Variants in FUT9 observed in about 807,000 individuals in gnomAD.
FUT9 encodes 4-galactosyl-N-acetylglucosaminide 3-alpha-L-fucosyltransferase 9.
Under a neutral mutation model 29.7 loss-of-function variants are expected in FUT9, and 15 were observed. The ratio of observed to expected loss-of-function variants is 0.51; its 90% confidence interval spans 0.34 to 0.78. FUT9 has a LOEUF of 0.78. Ranked by LOEUF, FUT9 falls within the 30% of genes least tolerant of loss-of-function variation. FUT9 has a pLI of 0.01. For missense variants in FUT9, 319 were observed against 425.4 expected, an observed-to-expected ratio of 0.75 and a Z score of 2.20; for synonymous variants, 169 against 153.7, an observed-to-expected ratio of 1.10 and a Z score of -0.74.
intron 2 of FUT9, among the ~76,000 whole-genome samples, chr6:96,178,268 G>A (rs1773241846): frequency 6.6e-6 from 1 of 152,096 alleles, no homozygotes; most frequent in Non-Finnish European, 1.5e-5. Context: ...CCCACTTGAT[G>A]AATTCAATTT....
chr6:96,027,650 C>A (rs1770190370), intron 1 of FUT9, among the ~76,000 whole-genome samples: 1 of 151,522 alleles, frequency 6.6e-6, no homozygotes, highest in African/African-American at 2.4e-5. Flanking sequence ...ACAAAAACAT[C>A]AACAAAAGGA....
intron 1 of FUT9, among the ~76,000 whole-genome samples, chr6:96,058,376 TCATGAAAGAAAA>T (rs756784918): frequency 7.1e-6 from 1 of 141,314 alleles, no homozygotes; most frequent in Non-Finnish European, 1.5e-5. Flanking sequence ...GTTGGGGAAG[TCATGAAAGAAAA>T]CCCCTTTTCA....
At chr6:96,078,408 CTTTTTTTTTTTTTTT>C (rs71012536) in intron 1 of FUT9, among the ~76,000 whole-genome samples, 48 of 44,202 alleles carry the variant, frequency 1.1e-3, no homozygotes, top group Admixed American at 1.9e-3. Context: ...TATTAGTCTT[CTTTTTTTTTTTTTTT>C]TTTTTTTTTT....
intron 1 of FUT9, among the ~76,000 whole-genome samples, chr6:96,047,032 G>T (rs1770575859): frequency 6.6e-6 from 1 of 152,058 alleles, no homozygotes; most frequent in Non-Finnish European, 1.5e-5. Context: ...TGCTTAAATG[G>T]CAAATCCAAG....
At chr6:96,064,056 A>C (rs928368893) in intron 1 of FUT9, among the ~76,000 whole-genome samples, 12 of 152,248 alleles carry the variant, frequency 7.9e-5, no homozygotes, top group African/African-American at 2.9e-4. Context: ...AATTGCTACC[A>C]AAGTTCACAG....
At chr6:96,052,402 A>T (rs1770687312) in intron 1 of FUT9, among the ~76,000 whole-genome samples, 1 of 152,208 alleles carries the variant, frequency 6.6e-6, no homozygotes, top group Non-Finnish European at 1.5e-5. Context: ...CATGATATTT[A>T]TTCTCTGCTG....
At chr6:96,129,285 AAAAAAAAC>A (rs1399358291) in intron 2 of FUT9, among the ~76,000 whole-genome samples, 735 of 7,500 alleles carry the variant, frequency 0.098, 46 homozygotes, top group Middle Eastern at 0.17. Context: ...AAAAAAAAAA[AAAAAAAAC>A]AAACAACCAG....
At chr6:96,024,794 T>G (rs1031223367) in intron 1 of FUT9, among the ~76,000 whole-genome samples, 2 of 151,806 alleles carry the variant, frequency 1.3e-5, no homozygotes, top group Non-Finnish European at 2.9e-5. Flanking sequence ...TGGGTCAATT[T>G]TATCAGAATT....
chr6:96,143,832 T>C (rs1772511958), intron 2 of FUT9, among the ~76,000 whole-genome samples: 1 of 152,174 alleles, frequency 6.6e-6, no homozygotes, highest in Non-Finnish European at 1.5e-5. Context: ...GAGGGAGTCA[T>C]ATAACAGAGG....
intron 1 of FUT9, among the ~76,000 whole-genome samples, chr6:96,054,837 T>C (rs1770733830): frequency 6.6e-6 from 1 of 152,228 alleles, no homozygotes; most frequent in African/African-American, 2.4e-5. Flanking sequence ...GCATTAAATG[T>C]AATAATATAG....
intron 2 of FUT9, among the ~76,000 whole-genome samples, chr6:96,162,366 C>T (rs1005073712): frequency 1.3e-5 from 2 of 152,098 alleles, no homozygotes; most frequent in Admixed American, 6.6e-5. Flanking sequence ...ACTTCAAATA[C>T]ACACTCATAA....
At chr6:96,168,946 G>A (rs1233350987) in intron 2 of FUT9, among the ~76,000 whole-genome samples, 1 of 152,166 alleles carries the variant, frequency 6.6e-6, no homozygotes, top group Non-Finnish European at 1.5e-5. Flanking sequence ...TATCGCAACA[G>A]GCAGGAAAGC....
chr6:96,026,417 A>G (rs1770169631), intron 1 of FUT9, among the ~76,000 whole-genome samples: 2 of 151,336 alleles, frequency 1.3e-5, no homozygotes. Context: ...TCTGACTATA[A>G]TCTATATAGA....
rs574328131 is a variant in FUT9, at chr6:96,210,204, C to G, written c.*5969C>G. ...CTATTAAATATGAGGTATTACCTTT[C>G]TTTAGTTCACCTGGAATCTTCTTAA... On this transcript the variant is annotated 3_prime_UTR_variant, in exon 3 of 3. Transcript: ENST00000302103. 11 of 166,966 alleles carry G rather than the reference C, an allele frequency of 6.6e-5. No individual in the cohort carries two copies. The highest frequency in any genetic ancestry group is 2.6e-4 in the African/African-American group (11 of 41,524). 10.3% of individuals were successfully genotyped at this position (166,966 alleles called of 1,614,324 possible). A position where few individuals can be genotyped will look rare whatever the true frequency, so the allele number is the denominator to read the frequency against.
At chr6:96,099,848 G>A (rs1377646577) in intron 1 of FUT9, among the ~76,000 whole-genome samples, 3 of 152,054 alleles carry the variant, frequency 2.0e-5, no homozygotes, top group Non-Finnish European at 4.4e-5. Flanking sequence ...AAAACTCAAT[G>A]TATGGAGAAC....
At chr6:96,124,315 C>T (rs541148961) in intron 2 of FUT9, among the ~76,000 whole-genome samples, 1 of 151,680 alleles carries the variant, frequency 6.6e-6, no homozygotes, top group South Asian at 2.1e-4. Flanking sequence ...CCACGACCGG[C>T]TAATTTTTCT....
chr6:96,062,595 A>G (rs1770895215), intron 1 of FUT9, among the ~76,000 whole-genome samples: 1 of 152,128 alleles, frequency 6.6e-6, no homozygotes, highest in Admixed American at 6.5e-5. Flanking sequence ...AGATAGATAA[A>G]TAGATATATA....
chr6:96,169,033 A>G (rs1037854722), intron 2 of FUT9, among the ~76,000 whole-genome samples: 1 of 152,158 alleles, frequency 6.6e-6, no homozygotes, highest in African/African-American at 2.4e-5. Context: ...AAGTGGGTTG[A>G]CGTTCTGTTC....
At chr6:96,039,523 T>A (rs979039212) in intron 1 of FUT9, among the ~76,000 whole-genome samples, 16 of 152,220 alleles carry the variant, frequency 1.1e-4, no homozygotes, top group South Asian at 2.1e-4. Context: ...TTGGCAAGTT[T>A]TTTCCCACTT....
Sources: allele counts gnomAD v4.1 joint callset (sites outside exome capture counted in the v4.1 genomes callset), GRCh38; gene constraint gnomAD v4.1.1; transcripts MANE v1.5; gene names NCBI Gene and HGNC (gene_info 2026-07-23, HGNC 2026-07-21).